RYR2: variants seen among roughly 807,000 people sequenced by gnomAD.
RYR2 encodes ryanodine receptor 2.
A neutral mutation model predicts 601.1 loss-of-function variants in RYR2; 227 were observed. The observed-to-expected ratio is 0.38, with a 90% CI of 0.34 to 0.42. The LOEUF is 0.42. RYR2 is among the 10% of genes least tolerant of loss of function. The pLI is 1.00. For synonymous variants in RYR2, 2,223 were observed against 2,175.1 expected, an observed-to-expected ratio of 1.02 and a Z score of -0.61; for missense variants, 4,646 against 6,156.5, an observed-to-expected ratio of 0.75 and a Z score of 8.21.
Position 237,454,480 on chromosome 1 carries a change from G to A in RYR2, c.1382G>A (p.Gly461Asp). 1.2e-6 allele frequency: 2 copies of A among 1,613,514 alleles called. No individual in the cohort carries two copies. Among genetic ancestry groups the A allele is most frequent in the Non-Finnish European group, 1.7e-6 (2 of 1,179,666 alleles). ...AGCCTAAGTCTGCAGGATCTCATTG[G>A]CTACTTCCACCCCCCAGATGAGCAT... is the stretch of plus-strand genomic sequence containing the variant. ...SVSLSLQDLI[G>D]YFHPPDEHLE... is the part of the protein sequence containing the mutation. Residue 461 changes from glycine to aspartate, a missense_variant, in exon 15 of 105, where the codon GGC (glycine) becomes GAC (aspartate). By Grantham distance (94) the Gly-to-Asp change is moderately conservative. Transcript: ENST00000366574.
chr1:237,669,132 T>C (rs1086607), intron 58 of RYR2, among the ~76,000 whole-genome samples: 4,208 of 110,594 alleles, frequency 0.038, 135 homozygotes, highest in Middle Eastern at 0.12. Context: ...TCTTGCACCG[T>C]CCTTAATCCA....
At chr1:237,089,683 T>A (rs970859829) in intron 1 of RYR2, among the ~76,000 whole-genome samples, 1 of 152,216 alleles carries the variant, frequency 6.6e-6, no homozygotes, top group Admixed American at 6.5e-5. Flanking sequence ...TCTAAACTGG[T>A]TTAGAAAAAT....
At chr1:237,591,433 T>C (rs1275029458) in intron 31 of RYR2, among the ~76,000 whole-genome samples, 1 of 152,120 alleles carries the variant, frequency 6.6e-6, no homozygotes, top group Non-Finnish European at 1.5e-5. Flanking sequence ...CATCCTTTCT[T>C]ATACTAAATC....
At position 237,531,549 on chromosome 1, in the gene RYR2, T is replaced by C. The variant is rs543925487; in HGVS notation, c.2906+1039T>C. On this transcript the variant is annotated intron_variant, in intron 25 of 104. Coordinates refer to ENST00000366574, the MANE Select transcript of RYR2 (RefSeq NM_001035.3). ...CAAAGTAGCCACCCCATAATCTCTA[T>C]CAGTCACCTCAGGCCTCATGTTACC... Among the ~76,000 whole-genome samples, 7 of 152,272 alleles carry C rather than the reference T, an allele frequency of 4.6e-5. No individual in the cohort carries two copies. The East Asian group carries it at 9.7e-4, about 21-fold the overall frequency.
intron 29 of RYR2, among the ~76,000 whole-genome samples, chr1:237,579,538 A>G (rs1233090761): frequency 6.6e-6 from 1 of 152,054 alleles, no homozygotes; most frequent in Non-Finnish European, 1.5e-5. Context: ...TACAGGCGTG[A>G]GCTGCTGCAC....
rs757703714 is a variant in RYR2 at position 237,783,922 on chromosome 1, G to T, written c.12210G>T (p.Ala4070=). 1 of 1,613,320 alleles carries T rather than the reference G, an allele frequency of 6.2e-7. No homozygotes were observed. Among genetic ancestry groups the T allele is most frequent in the African/African-American group, 1.3e-5 (1 of 75,016 alleles). Reference sequence around the variant, plus strand: ...AAACGGAATTTCTTTTGTCTTGTGCGGAGACGGATGAGAATGAAACCCTCG... The same window carrying T: ...AAACGGAATTTCTTTTGTCTTGTGCTGAGACGGATGAGAATGAAACCCTCG... ...QSETEFLLSC[A]ETDENETLDY... Residue 4070 remains alanine (A), a synonymous_variant, in exon 90 of 105, where the codon GCG becomes GCT. Transcript: ENST00000366574.
Position 237,479,975 on chromosome 1 carries a change from G to A in RYR2, c.1708+10788G>A, listed in dbSNP as rs532632793. Among the ~76,000 whole-genome samples, 5 of 152,280 alleles carry A rather than the reference G, an allele frequency of 3.3e-5. No homozygotes were observed. In the East Asian group the frequency reaches 7.7e-4, roughly 23 times the overall value. On this transcript the variant is annotated intron_variant, in intron 17 of 104. Coordinates refer to ENST00000366574, the MANE Select transcript of RYR2 (RefSeq NM_001035.3). ...TCTGTAGTCTGTCTGTAAGCTCTAT[G>A]AGAGCAGGGATGAGGCCAATTTTGC...
chr1:237,097,820 T>G (rs1417570470), intron 1 of RYR2, among the ~76,000 whole-genome samples: 1 of 152,288 alleles, frequency 6.6e-6, no homozygotes, highest in African/African-American at 2.4e-5. Context: ...TGGAGTGGGC[T>G]GGAGACCTGG....
chr1:237,815,482 A>G (rs1427223867), intron 100 of RYR2, among the ~76,000 whole-genome samples: 1 of 152,204 alleles, frequency 6.6e-6, no homozygotes, highest in Non-Finnish European at 1.5e-5. Context: ...TGAACTGTAC[A>G]TTTTATTCTT....
At chr1:237,686,197 G>A (rs975323129) in intron 62 of RYR2, among the ~76,000 whole-genome samples, 3 of 152,170 alleles carry the variant, frequency 2.0e-5, no homozygotes, top group Admixed American at 6.5e-5. Context: ...AGCTGTTCTC[G>A]TTATTGGGAA....
Position 237,658,012 on chromosome 1 carries a change from C to T in RYR2, c.8198C>T (p.Ser2733Leu). 1 of 1,490,438 alleles carries T rather than the reference C, an allele frequency of 6.7e-7. No homozygotes were observed. The highest frequency in any genetic ancestry group is 9.0e-7 in the Non-Finnish European group (1 of 1,112,794). 92.3% of individuals were successfully genotyped at this position (1,490,438 alleles called of 1,614,324 possible). A position where few individuals can be genotyped will look rare whatever the true frequency, so the allele number is the denominator to read the frequency against. ...KYAEHSHDKW[S>L]MDKLANGWIY... ...GCAGAACACTCCCATGACAAATGGT[C>T]AATGGACAAGGTAAAAAGAGTATTA... The change falls in exon 54 of 105, where the codon TCA becomes TTA. Residue 2733 changes from serine to leucine, a missense_variant. By Grantham distance (145) the Ser-to-Leu change is moderately radical. Transcript: ENST00000366574.
At position 237,121,425 on chromosome 1, in the gene RYR2, G is replaced by A. The variant is rs564305557; in HGVS notation, c.48+78856G>A. Among the ~76,000 whole-genome samples the A allele has an allele frequency of 3.9e-4, 60 of 152,290 alleles. No individual in the cohort carries two copies. In the South Asian group the frequency reaches 4.6e-3, roughly 12 times the overall value. ...TTTTACCTCCTGTTTTCTTGATCGA[G>A]GAGAAAGCTGTTTACAGTAAAAATG... On this transcript the variant is annotated intron_variant, in intron 1 of 104. Coordinates refer to ENST00000366574, the MANE Select transcript of RYR2 (RefSeq NM_001035.3).
At chr1:237,090,834 G>A (rs974022479) in intron 1 of RYR2, among the ~76,000 whole-genome samples, 5 of 152,204 alleles carry the variant, frequency 3.3e-5, no homozygotes, top group African/African-American at 1.2e-4. Context: ...GTTTCAAGAG[G>A]AAGGCTCTGT....
intron 1 of RYR2, among the ~76,000 whole-genome samples, chr1:237,266,018 G>A (rs1249443997): frequency 1.3e-5 from 2 of 152,154 alleles, no homozygotes; most frequent in Non-Finnish European, 2.9e-5. Context: ...CTTCATGTTT[G>A]TTTAGTAAAG....
At chr1:237,114,344 A>G (rs2148606705) in intron 1 of RYR2, among the ~76,000 whole-genome samples, 1 of 152,330 alleles carries the variant, frequency 6.6e-6, no homozygotes, top group Non-Finnish European at 1.5e-5. Flanking sequence ...AGCCTTGCAA[A>G]TAAAATTTTG....
chr1:237,251,646 C>T (rs979811401), intron 1 of RYR2, among the ~76,000 whole-genome samples: 3 of 152,158 alleles, frequency 2.0e-5, no homozygotes, highest in African/African-American at 7.2e-5. Context: ...GTGATCTCAG[C>T]TGGTATCATG....
chr1:237,566,418 AAAG>A, intron 27 of RYR2, 146 bp from the exon 28 acceptor site: 1 of 827,796 alleles, frequency 1.2e-6, no homozygotes, highest in African/African-American at 1.7e-5. Context: ...GTAAAATGGG[AAAG>A]AAGATAAGAA....
chr1:237,210,087 A>T (rs1355452145), intron 1 of RYR2, among the ~76,000 whole-genome samples: 1 of 151,698 alleles, frequency 6.6e-6, no homozygotes, highest in Admixed American at 6.6e-5. Flanking sequence ...ATTTTATTCC[A>T]TTCATTTTTC....
chr1:237,601,261 AT>A (rs1187449919), intron 34 of RYR2, among the ~76,000 whole-genome samples: 1 of 152,178 alleles, frequency 6.6e-6, no homozygotes, highest in Non-Finnish European at 1.5e-5. Flanking sequence ...CATAAAAAAA[AT>A]GAGAACCTGT....
Sources: gnomAD v4.1 joint callset for allele counts (sites outside exome capture counted in the v4.1 genomes callset) on GRCh38, gnomAD v4.1.1 for gene constraint, MANE v1.5 for transcripts, NCBI Gene and HGNC (gene_info 2026-07-23, HGNC 2026-07-21) for gene names.